ERO1B: variants seen among roughly 807,000 people sequenced by gnomAD.
ERO1B encodes the protein endoplasmic reticulum oxidoreductase 1 beta, also known as ERO1-like protein beta.
ERO1B carries 49 observed loss-of-function variants against 75.3 expected under a neutral mutation model. The observed-to-expected ratio is 0.65, with a 90% CI of 0.52 to 0.83. ERO1B has a LOEUF of 0.83. ERO1B is among the 40% of genes least tolerant of loss of function. The pLI, the probability that ERO1B is intolerant of heterozygous loss-of-function variation, is 0.00. For missense variants in ERO1B, 512 were observed against 560.1 expected, an observed-to-expected ratio of 0.91 and a Z score of 0.87; for synonymous variants, 191 against 192.9, an observed-to-expected ratio of 0.99 and a Z score of 0.08.
intron 14 of ERO1B, chr1:236,221,646 C>T (rs1572027989): frequency 6.6e-6 from 2 of 303,188 alleles, no homozygotes; most frequent in Non-Finnish European, 1.2e-5. Flanking sequence ...ATACTCGGTT[C>T]GTAATGACCA....
chr1:236,224,196 T>C (rs777615854), intron 13 of ERO1B, among the ~76,000 whole-genome samples: 2 of 152,202 alleles, frequency 1.3e-5, no homozygotes, highest in Non-Finnish European at 2.9e-5. Context: ...ATCTGCTATA[T>C]TCTTACACCA....
chr1:236,263,601 C>T lies in ERO1B; in HGVS notation c.222+6274G>A, dbSNP rs571179705. Reference sequence around the variant, plus strand: ...ATTAAATTTACATATTAACTAGGGGCGAATTAAAATTGTTAGGCTACAAAG... The same window carrying T: ...ATTAAATTTACATATTAACTAGGGGTGAATTAAAATTGTTAGGCTACAAAG... On this transcript the variant is annotated intron_variant, in intron 2 of 15. Transcript: ENST00000354619. 2.6e-5 allele frequency among the ~76,000 whole-genome samples: 4 copies of T among 151,924 alleles called. No homozygotes were observed. The South Asian group carries it at 6.2e-4, about 24-fold the overall frequency.
rs35336841 is a variant in ERO1B, at chr1:236,261,942, C to CA, written c.222+7932dup. Among the ~76,000 whole-genome samples, 5 of 70,714 alleles carry CA rather than the reference C, an allele frequency of 7.1e-5. No individual in the cohort carries two copies. The South Asian group carries it at 1.7e-3, about 24-fold the overall frequency. 46.4% of individuals were successfully genotyped at this position (70,714 alleles called of 152,430 possible). On this transcript the variant is annotated intron_variant, in intron 2 of 15. Transcript: ENST00000354619. ...CAGGCAACAGAGCAAGGCTCTGTCTCAAAAACAAAAACAAAAACAAACAAA... is the reference window on the plus strand; with the variant it reads ...CAGGCAACAGAGCAAGGCTCTGTCTCAAAAAACAAAAACAAAAACAAACAAA...
At chr1:236,248,360 T>C (rs994193242) in intron 5 of ERO1B, among the ~76,000 whole-genome samples, 2 of 152,182 alleles carry the variant, frequency 1.3e-5, no homozygotes, top group African/African-American at 2.4e-5. Flanking sequence ...CCAAGTACTA[T>C]GGAATGTCAT....
At chr1:236,220,711 T>TA in intron 15 of ERO1B, 121 bp downstream of exon 15, 1 of 1,021,994 alleles carries the variant, frequency 9.8e-7, no homozygotes, top group Non-Finnish European at 1.3e-6. Flanking sequence ...TTAGTACAGA[T>TA]ACAATATAAA....
At chr1:236,225,518 T>C (rs988640802) in intron 12 of ERO1B, among the ~76,000 whole-genome samples, 1 of 152,248 alleles carries the variant, frequency 6.6e-6, no homozygotes, top group Non-Finnish European at 1.5e-5. Flanking sequence ...TAAAAACCAG[T>C]TAACTCAAGT....
intron 1 of ERO1B, among the ~76,000 whole-genome samples, chr1:236,280,310 A>G (rs1350148184): frequency 1.3e-5 from 2 of 152,248 alleles, no homozygotes; most frequent in Non-Finnish European, 2.9e-5. Flanking sequence ...GAAACACTCA[A>G]CTAGTGACTA....
intron 2 of ERO1B, among the ~76,000 whole-genome samples, chr1:236,261,915 C>T (rs1665300985): frequency 6.8e-6 from 1 of 147,968 alleles, no homozygotes; most frequent in Admixed American, 6.8e-5. Context: ...TGCACTCCAG[C>T]CCAGGCAACA....
rs940479962 is a variant in ERO1B, at chr1:236,219,556, A to G, written c.1344-980T>C. 2.6e-5 allele frequency among the ~76,000 whole-genome samples: 4 copies of G among 152,194 alleles called. No homozygotes were observed. In the East Asian group the frequency reaches 7.7e-4, roughly 29 times the overall value. On this transcript the variant is annotated intron_variant, in intron 15 of 15. Transcript: ENST00000354619. Reference sequence around the variant, plus strand: ...ATATTTTTCATTTCAATTTATTTAAATTTCATTCAGTATCTCCTGTGTTAT... The same window carrying G: ...ATATTTTTCATTTCAATTTATTTAAGTTTCATTCAGTATCTCCTGTGTTAT...
At chr1:236,230,625 A>G (rs1664384918) in intron 9 of ERO1B, among the ~76,000 whole-genome samples, 1 of 151,066 alleles carries the variant, frequency 6.6e-6, no homozygotes, top group South Asian at 2.1e-4. Context: ...AAAAAAAAAA[A>G]AAAAAAAAAA....
chr1:236,274,933 A>G (rs1333250896), intron 1 of ERO1B, among the ~76,000 whole-genome samples: 1 of 152,204 alleles, frequency 6.6e-6, no homozygotes, highest in African/African-American at 2.4e-5. Flanking sequence ...CAGTTACAGA[A>G]GGTGTCATGA....
chr1:236,247,322 C>T (rs1171591225), intron 5 of ERO1B, among the ~76,000 whole-genome samples: 1 of 152,206 alleles, frequency 6.6e-6, no homozygotes, highest in East Asian at 1.9e-4. Flanking sequence ...CTTGCTCCTC[C>T]TCCAGCTGTC....
At chr1:236,277,900 T>C (rs886656614) in intron 1 of ERO1B, among the ~76,000 whole-genome samples, 1 of 152,208 alleles carries the variant, frequency 6.6e-6, no homozygotes, top group South Asian at 2.1e-4. Flanking sequence ...CTTTAAAATC[T>C]TTTTTCCCTT....
chr1:236,245,828 A>G (rs970077585), intron 5 of ERO1B, among the ~76,000 whole-genome samples: 7 of 150,126 alleles, frequency 4.7e-5, no homozygotes, highest in African/African-American at 1.5e-4. Flanking sequence ...CTGGCCTCAC[A>G]TGATCCCCCT....
In ERO1B at chr1:236,218,520, CT is replaced by C; in HGVS notation, c.1399del (p.Arg467GlyfsTer10). 7.0e-7 allele frequency: 1 copy of C among 1,435,094 alleles called. No individual in the cohort carries two copies. Among genetic ancestry groups the C allele is most frequent in the Non-Finnish European group, 9.2e-7 (1 of 1,087,904 alleles). 88.9% of individuals were successfully genotyped at this position (1,435,094 alleles called of 1,614,324 possible). A position where few individuals can be genotyped will look rare whatever the true frequency, so the allele number is the denominator to read the frequency against. On this transcript the variant is annotated frameshift_variant, in exon 16 of 16. Coordinates refer to ENST00000354619, the MANE Select transcript of ERO1B (RefSeq NM_019891.4). LOFTEE classifies it high-confidence loss of function. ...TTAGACACATAAAAGCCTTTATTAC[CT>C]ACTGTGTTGTAATAAGACTTTAAAA... ...QNFKVLLQHSR is the reference protein window; with the variant it reads ...QNFKVLLQHSX
intron 10 of ERO1B, among the ~76,000 whole-genome samples, chr1:236,227,677 G>A (rs1463322092): frequency 6.6e-6 from 1 of 152,098 alleles, no homozygotes. Flanking sequence ...TCATTTATAT[G>A]ATGGGGGAAA....
rs758170776 is a variant in ERO1B, at chr1:236,218,581, G to A, written c.1344-5C>T. 5 of 1,355,046 alleles carry A rather than the reference G, an allele frequency of 3.7e-6. No homozygotes were observed. In the Admixed American group the frequency reaches 1.1e-4, roughly 31 times the overall value. 83.9% of individuals were successfully genotyped at this position (1,355,046 alleles called of 1,614,324 possible). ...TCTCTTATACTTGTAGAAAGCCTAT[G>A]GAAGAAAGAAAAAGCTTATTAGTAA... On this transcript the variant is annotated splice_polypyrimidine_tract_variant and splice_region_variant and intron_variant, in intron 15 of 15. Transcript: ENST00000354619.
At chr1:236,229,967 A>G (rs1164201133) in intron 10 of ERO1B, among the ~76,000 whole-genome samples, 2 of 152,188 alleles carry the variant, frequency 1.3e-5, no homozygotes, top group Non-Finnish European at 2.9e-5. Flanking sequence ...GAACAGAAAT[A>G]AGATTAGGGA....
intron 2 of ERO1B, among the ~76,000 whole-genome samples, chr1:236,263,645 C>G (rs1480580631): frequency 1.3e-5 from 2 of 152,066 alleles, no homozygotes; most frequent in Admixed American, 1.3e-4. Context: ...TCCATTTGTT[C>G]AAATCTACTT....
Sources: allele counts gnomAD v4.1 joint callset (sites outside exome capture counted in the v4.1 genomes callset), GRCh38; gene constraint gnomAD v4.1.1; transcripts MANE v1.5; gene names NCBI Gene and HGNC (gene_info 2026-07-23, HGNC 2026-07-21).